PIK3CG: variants seen among roughly 807,000 people sequenced by gnomAD.
PIK3CG encodes phosphatidylinositol 4,5-bisphosphate 3-kinase catalytic subunit gamma isoform.
Under a neutral mutation model 102.3 loss-of-function variants are expected in PIK3CG, and 55 were observed. That is an observed-to-expected ratio of 0.54 (90% confidence interval 0.43 to 0.67). The LOEUF (loss-of-function observed/expected upper bound fraction) is 0.67, where lower values mean the gene tolerates loss of function less well. Among genes scored for constraint, PIK3CG ranks in the 30% least tolerant of loss-of-function variants. The pLI is 0.00. For synonymous variants in PIK3CG, 552 were observed against 540.0 expected (o/e 1.02, Z -0.31); for missense variants, 1,258 against 1,391.8 (o/e 0.90, Z 1.53).
In PIK3CG at chr7:106,867,081, A is replaced by G. The variant is rs1380205697; in HGVS notation, c.-12-469A>G. On this transcript the variant is annotated intron_variant, in intron 1 of 10. Transcript: ENST00000496166. This position sits in a 1 kb window ranked among gnomAD's most constrained non-coding sequence, Gnocchi z 5.1. ...GAACCTTAACTGTACTATTTTAGTA[A>G]TCTATATGTTTCAGTATGTTTAAGA... is the stretch of plus-strand genomic sequence containing the variant. Among the ~76,000 whole-genome samples, 1 of 152,168 alleles carries G rather than the reference A, an allele frequency of 6.6e-6. No homozygotes were observed. The highest frequency in any genetic ancestry group is 1.5e-5 in the Non-Finnish European group (1 of 68,038).
intron 10 of PIK3CG, among the ~76,000 whole-genome samples, chr7:106,889,924 C>T (rs1791225094): frequency 6.6e-6 from 1 of 152,204 alleles, no homozygotes; most frequent in African/African-American, 2.4e-5. Context: ...ATTGGAGCAG[C>T]ATCCTACAAA....
intron 10 of PIK3CG, among the ~76,000 whole-genome samples, chr7:106,904,264 G>A (rs1266511946): frequency 2.0e-5 from 3 of 152,104 alleles, no homozygotes; most frequent in East Asian, 3.9e-4. Context: ...TGGCTATGGT[G>A]TATTAATCTT....
Position 106,867,960 on chromosome 7 carries a change from C to A in PIK3CG, c.399C>A (p.Gly133=), listed in dbSNP as rs2116426792. The A allele has an allele frequency of 6.2e-7, 1 of 1,612,736 alleles. No homozygotes were observed. Among genetic ancestry groups the A allele is most frequent in the African/African-American group, 1.3e-5 (1 of 75,038 alleles). The stretch of plus-strand genomic sequence containing the variant: ...GGAAGGCCACGCACCGGAGCCCGGG[C>A]CAGATCCACCTGGTGCAGCGGCACC... ...RYWKATHRSP[G]QIHLVQRHPP... The change falls in exon 2 of 11, where the codon GGC becomes GGA. Residue 133 remains glycine (G), a synonymous_variant. Transcript: ENST00000496166. This position sits in a 1 kb window ranked among gnomAD's most constrained non-coding sequence, Gnocchi z 5.1.
chr7:106,872,221 C>T lies in PIK3CG; in HGVS notation c.1996-316C>T, dbSNP rs1790555683. Among the ~76,000 whole-genome samples, 1 of 152,154 alleles carries T rather than the reference C, an allele frequency of 6.6e-6. No individual in the cohort carries two copies. The highest frequency in any genetic ancestry group is 6.5e-5 in the Admixed American group (1 of 15,270). On this transcript the variant is annotated intron_variant, in intron 2 of 10. Transcript: ENST00000496166. The surrounding 1 kb of genome is among the most constrained non-coding windows in gnomAD (Gnocchi z 5.3). ...TTCCCCCTCTACCCCTCCAACAAAA[C>T]CAGTAAGACCTAATTAGAGCAAATT...
chr7:106,876,396 C>CTTTT (rs201148654), intron 5 of PIK3CG, among the ~76,000 whole-genome samples: 1 of 142,846 alleles, frequency 7.0e-6, no homozygotes, highest in Non-Finnish European at 1.5e-5. Context: ...GGGTTGCCTT[C>CTTTT]TTTTTTTTTT....
rs537714948 is a variant in PIK3CG at position 106,879,711 on chromosome 7, A to G, written c.2538+46A>G. ...TTTTCAATTATCTGAAAACAATTCTATATTACATCAAAAACATGCTTTCTC... is the reference window on the plus strand; with the variant it reads ...TTTTCAATTATCTGAAAACAATTCTGTATTACATCAAAAACATGCTTTCTC... On this transcript the variant is annotated intron_variant, in intron 6 of 10. Coordinates refer to ENST00000496166, the MANE Select transcript of PIK3CG (RefSeq NM_001282426.2). The surrounding 1 kb of genome is among the most constrained non-coding windows in gnomAD (Gnocchi z 4.9). 14 of 1,428,922 alleles carry G rather than the reference A, an allele frequency of 9.8e-6. No homozygotes were observed. Among genetic ancestry groups the G allele is most frequent in the Admixed American group, 1.8e-5 (1 of 55,866 alleles). The allele number at this position is 1,428,922 out of a possible 1,614,324, so 88.5% of individuals were successfully genotyped here.
Position 106,879,776 on chromosome 7 carries a change from A to C in PIK3CG, c.2538+111A>C. ...CCCACTCTCTTCTTTCAAGTGATGAATTGTGATCAAATATTACATCATAGA... is the reference window on the plus strand; with the variant it reads ...CCCACTCTCTTCTTTCAAGTGATGACTTGTGATCAAATATTACATCATAGA... On this transcript the variant is annotated intron_variant, in intron 6 of 10. Transcript: ENST00000496166. The surrounding 1 kb of genome is among the most constrained non-coding windows in gnomAD (Gnocchi z 4.9). 1 of 795,892 alleles carries C rather than the reference A, an allele frequency of 1.3e-6. No homozygotes were observed. The highest frequency in any genetic ancestry group is 1.8e-5 in the South Asian group (1 of 57,068). 49.3% of individuals were successfully genotyped at this position (795,892 alleles called of 1,614,324 possible). A position where few individuals can be genotyped will look rare whatever the true frequency, so the allele number is the denominator to read the frequency against.
intron 9 of PIK3CG, among the ~76,000 whole-genome samples, chr7:106,885,261 G>T (rs1282837461): frequency 6.6e-6 from 1 of 152,156 alleles, no homozygotes; most frequent in African/African-American, 2.4e-5. Flanking sequence ...AGGGACCGCT[G>T]GAAAACTAGG....
At chr7:106,889,472 T>C (rs1185015281) in intron 10 of PIK3CG, among the ~76,000 whole-genome samples, 3 of 152,224 alleles carry the variant, frequency 2.0e-5, no homozygotes, top group South Asian at 4.1e-4. Context: ...CTCCAAATAA[T>C]GTCTCAGAAT....
In PIK3CG at chr7:106,905,473, A is replaced by C; in HGVS notation, c.*86A>C. On this transcript the variant is annotated 3_prime_UTR_variant, in exon 11 of 11. Transcript: ENST00000496166. This position sits in a 1 kb window ranked among gnomAD's most constrained non-coding sequence, Gnocchi z 5.6. ...ATCGAACTTGGATTTCAAATGCAATAGACATTGTGAAAGCTGGCATTTCAG... is the reference window on the plus strand; with the variant it reads ...ATCGAACTTGGATTTCAAATGCAATCGACATTGTGAAAGCTGGCATTTCAG... The C allele has an allele frequency of 1.6e-6, 2 of 1,251,490 alleles. No individual in the cohort carries two copies. Among genetic ancestry groups the C allele is most frequent in the South Asian group, 2.9e-5 (2 of 69,790 alleles). The allele number at this position is 1,251,490 out of a possible 1,614,324, so 77.5% of individuals were successfully genotyped here.
chr7:106,892,552 A>C lies in PIK3CG; in HGVS notation c.3030+6260A>C, dbSNP rs1289600299. On this transcript the variant is annotated intron_variant, in intron 10 of 10. Coordinates refer to ENST00000496166, the MANE Select transcript of PIK3CG (RefSeq NM_001282426.2). The surrounding 1 kb of genome is among the most constrained non-coding windows in gnomAD (Gnocchi z 5.2). Reference sequence around the variant, plus strand: ...TGTCCAATATTGAACTTGGCTTCTGAACATTAAGCATTCATCCATCTTATA... The same window carrying C: ...TGTCCAATATTGAACTTGGCTTCTGCACATTAAGCATTCATCCATCTTATA... Among the ~76,000 whole-genome samples, 2 of 152,238 alleles carry C rather than the reference A, an allele frequency of 1.3e-5. No homozygotes were observed. Among genetic ancestry groups the C allele is most frequent in the Non-Finnish European group, 2.9e-5 (2 of 68,040 alleles).
rs566918377 is a variant in PIK3CG at position 106,887,316 on chromosome 7, G to A, written c.3030+1024G>A. ...ATTACTTTTATGTACATTTGCCTTG[G>A]GTGCCCTTTAAATAGCCACCTCCCT... On this transcript the variant is annotated intron_variant, in intron 10 of 10. Transcript: ENST00000496166. Among the ~76,000 whole-genome samples the A allele has an allele frequency of 7.2e-4, 110 of 152,126 alleles. No homozygotes were observed. In the Middle Eastern group the frequency reaches 0.014, roughly 19 times the overall value.
Position 106,869,207 on chromosome 7 carries a change from A to G in PIK3CG, c.1646A>G (p.Asn549Ser), listed in dbSNP as rs776466677. 6.8e-6 allele frequency: 11 copies of G among 1,614,190 alleles called. No homozygotes were observed. The South Asian group carries it at 1.1e-4, about 16-fold the overall frequency. Reference protein sequence around the residue: ...EGDRVRAEMPNQLRKQLEAII... With the variant: ...EGDRVRAEMPSQLRKQLEAII... ...GACCGGGTTCGAGCAGAAATGCCCA[A>G]CCAGCTTCGCAAGCAATTGGAGGCG... is the stretch of plus-strand genomic sequence containing the variant. The change falls in exon 2 of 11, where the codon AAC (asparagine) becomes AGC (serine). Residue 549 changes from asparagine to serine, a missense_variant. By Grantham distance (46) the Asn-to-Ser change is conservative. Transcript: ENST00000496166. The surrounding 1 kb of genome is among the most constrained non-coding windows in gnomAD (Gnocchi z 5.3).
chr7:106,866,424 A>G (rs1790285730), intron 1 of PIK3CG, among the ~76,000 whole-genome samples: 1 of 152,196 alleles, frequency 6.6e-6, no homozygotes, highest in South Asian at 2.1e-4. Flanking sequence ...AAGGGTAGGT[A>G]CTTACTGAAT....
chr7:106,875,676 C>A (rs1790702836), intron 5 of PIK3CG, among the ~76,000 whole-genome samples: 1 of 152,044 alleles, frequency 6.6e-6, no homozygotes, highest in Non-Finnish European at 1.5e-5. Context: ...TAATTTGTTT[C>A]TTTTTATGAC....
chr7:106,880,441 C>CCTTTG lies in PIK3CG; in HGVS notation c.2538+783_2538+787dup, dbSNP rs1319599500. ...TAGAAACAGGAATACCTTTGCTTTG[C>CCTTTG]CTTTGCTTTGCCTTTGCTTTGCTTT... On this transcript the variant is annotated intron_variant, in intron 6 of 10. Transcript: ENST00000496166. This position sits in a 1 kb window ranked among gnomAD's most constrained non-coding sequence, Gnocchi z 4.2. 6.3e-4 allele frequency among the ~76,000 whole-genome samples: 1 copy of CCTTTG among 1,582 alleles called. No individual in the cohort carries two copies. Among genetic ancestry groups the CCTTTG allele is most frequent in the Non-Finnish European group, 2.2e-3 (1 of 454 alleles). 1.0% of individuals were successfully genotyped at this position (1,582 alleles called of 152,430 possible).
chr7:106,870,595 G>A (rs998078115), intron 2 of PIK3CG, among the ~76,000 whole-genome samples: 1 of 152,128 alleles, frequency 6.6e-6, no homozygotes, highest in African/African-American at 2.4e-5. Context: ...CAGTCCAGGG[G>A]TCCAAGGGAC....
intron 6 of PIK3CG, among the ~76,000 whole-genome samples, chr7:106,881,048 C>G (rs931003880): frequency 2.0e-5 from 3 of 152,162 alleles, no homozygotes; most frequent in African/African-American, 7.2e-5. Context: ...CTTCACTCAA[C>G]AAAAACATAG....
Position 106,903,404 on chromosome 7 carries a change from G to A in PIK3CG, c.3031-1705G>A, listed in dbSNP as rs551126079. On this transcript the variant is annotated intron_variant, in intron 10 of 10. Coordinates refer to ENST00000496166, the MANE Select transcript of PIK3CG (RefSeq NM_001282426.2). The surrounding 1 kb of genome is among the most constrained non-coding windows in gnomAD (Gnocchi z 4.3). ...AATTTATATCATTATAAGCAGTCTTGTCACTGAGGGATGTTCAAAAACTGA... is the reference window on the plus strand; with the variant it reads ...AATTTATATCATTATAAGCAGTCTTATCACTGAGGGATGTTCAAAAACTGA... Among the ~76,000 whole-genome samples, 5 of 151,972 alleles carry A rather than the reference G, an allele frequency of 3.3e-5. No individual in the cohort carries two copies. In the South Asian group the frequency reaches 1.0e-3, roughly 32 times the overall value.
Sources: gnomAD v4.1 joint callset for allele counts (sites outside exome capture counted in the v4.1 genomes callset) on GRCh38, gnomAD v4.1.1 for gene constraint, Gnocchi (gnomAD v3.1) non-coding constraint, MANE v1.5 for transcripts, NCBI Gene and HGNC (gene_info 2026-07-23, HGNC 2026-07-21) for gene names.